Variants in OPCML observed in about 807,000 individuals in gnomAD.
OPCML encodes opioid binding protein/cell adhesion molecule like, also known as opioid-binding protein/cell adhesion molecule.
OPCML carries 13 observed loss-of-function variants against 37.8 expected under a neutral mutation model. The ratio of observed to expected loss-of-function variants is 0.34; its 90% CI spans 0.22 to 0.55. OPCML has a LOEUF of 0.55. Among genes scored for constraint, OPCML ranks in the 20% least tolerant of loss-of-function variants. The pLI is 0.91. For missense variants in OPCML, 341 were observed against 435.6 expected (o/e 0.78, Z 1.93); for synonymous variants, 176 against 168.8 (o/e 1.04, Z -0.33).
intron 7 of OPCML, among the ~76,000 whole-genome samples, chr11:132,429,944 T>C (rs1260216255): frequency 6.6e-6 from 1 of 151,684 alleles, no homozygotes; most frequent in Non-Finnish European, 1.5e-5. Flanking sequence ...AGAAGCAGAC[T>C]GAGGAAGGTA....
Position 132,917,698 on chromosome 11 carries a change from T to C in OPCML, c.146+25228A>G, listed in dbSNP as rs370432480. 3.3e-5 allele frequency among the ~76,000 whole-genome samples: 5 copies of C among 152,354 alleles called. No individual in the cohort carries two copies. In the East Asian group the frequency reaches 5.8e-4, roughly 18 times the overall value. ...GCCAAGGTCACCCTTCCCTGGTGTC[T>C]ACATGAAGGGCTCACTACTGTACCT... is the stretch of plus-strand genomic sequence containing the variant. On this transcript the variant is annotated intron_variant, in intron 2 of 7. Transcript: ENST00000524381.
At chr11:132,854,767 T>A (rs1167499227) in intron 2 of OPCML, among the ~76,000 whole-genome samples, 3 of 152,262 alleles carry the variant, frequency 2.0e-5, no homozygotes, top group Non-Finnish European at 4.4e-5. Flanking sequence ...GGAGCTATTA[T>A]GAGTAACTGA....
chr11:132,597,919 A>G (rs1018434979), intron 3 of OPCML, among the ~76,000 whole-genome samples: 3 of 151,950 alleles, frequency 2.0e-5, no homozygotes, highest in African/African-American at 7.3e-5. Context: ...TTTGACGTGA[A>G]TTTTCCTTAA....
At chr11:133,272,984 A>G (rs537650164) in intron 1 of OPCML, among the ~76,000 whole-genome samples, 1 of 152,300 alleles carries the variant, frequency 6.6e-6, no homozygotes, top group Non-Finnish European at 1.5e-5. Flanking sequence ...ATGACAGTCT[A>G]GAACACTTGA....
At chr11:132,683,924 A>G (rs1392993526) in intron 2 of OPCML, among the ~76,000 whole-genome samples, 1 of 152,176 alleles carries the variant, frequency 6.6e-6, no homozygotes, top group South Asian at 2.1e-4. Flanking sequence ...ACCTCTAGCT[A>G]CTATTAACAG....
intron 1 of OPCML, among the ~76,000 whole-genome samples, chr11:133,285,530 G>C (rs1464283971): frequency 6.6e-6 from 1 of 152,208 alleles, no homozygotes; most frequent in Non-Finnish European, 1.5e-5. Context: ...ACGAAGGGCA[G>C]TGGCAGTGAG....
intron 1 of OPCML, among the ~76,000 whole-genome samples, chr11:133,321,157 A>C (rs1258954789): frequency 6.6e-6 from 1 of 151,988 alleles, no homozygotes; most frequent in Non-Finnish European, 1.5e-5. Flanking sequence ...AAGATAAGGA[A>C]ATACTTTTTT....
At chr11:132,524,125 G>C (rs370192903) in intron 4 of OPCML, among the ~76,000 whole-genome samples, 2 of 152,292 alleles carry the variant, frequency 1.3e-5, no homozygotes, top group East Asian at 3.9e-4. Context: ...GAACACAACA[G>C]ACTCCAGGAT....
chr11:132,833,012 G>T (rs1406480476), intron 2 of OPCML, among the ~76,000 whole-genome samples: 5 of 152,158 alleles, frequency 3.3e-5, no homozygotes, highest in African/African-American at 1.2e-4. Flanking sequence ...GTCAGTCAGT[G>T]AGTGGTGAGT....
intron 1 of OPCML, among the ~76,000 whole-genome samples, chr11:133,193,594 T>C (rs1025390682): frequency 6.6e-6 from 1 of 152,158 alleles, no homozygotes; most frequent in African/African-American, 2.4e-5. Context: ...CTTTCTTTCA[T>C]GATAAACACC....
chr11:132,439,457 T>TTTTG (rs2096024532), intron 4 of OPCML, among the ~76,000 whole-genome samples: 3 of 152,208 alleles, frequency 2.0e-5, no homozygotes. Flanking sequence ...ACAGCAGACA[T>TTTTG]AATGATCCAG....
At chr11:133,425,234 G>T (rs1021428244) in intron 1 of OPCML, among the ~76,000 whole-genome samples, 2 of 152,096 alleles carry the variant, frequency 1.3e-5, no homozygotes, top group Non-Finnish European at 2.9e-5. Flanking sequence ...TGCCTTAAAC[G>T]AGACCCCTCC....
intron 1 of OPCML, among the ~76,000 whole-genome samples, chr11:133,201,350 A>C (rs933802797): frequency 2.0e-5 from 3 of 151,384 alleles, no homozygotes; most frequent in African/African-American, 7.3e-5. Flanking sequence ...GCATGGAAGT[A>C]TATTTTATGC....
At chr11:132,676,050 G>T (rs971835850) in intron 2 of OPCML, among the ~76,000 whole-genome samples, 1 of 152,122 alleles carries the variant, frequency 6.6e-6, no homozygotes, top group Non-Finnish European at 1.5e-5. Flanking sequence ...TTACTAAAAA[G>T]CTACAGCAAT....
chr11:133,080,115 A>G (rs561628547), intron 1 of OPCML, among the ~76,000 whole-genome samples: 4 of 152,172 alleles, frequency 2.6e-5, no homozygotes, highest in South Asian at 4.1e-4. Context: ...CCCATCCACA[A>G]CAGAGCCAGA....
At chr11:132,941,919 C>T (rs559774478) in intron 2 of OPCML, among the ~76,000 whole-genome samples, 34 of 152,134 alleles carry the variant, frequency 2.2e-4, no homozygotes, top group Non-Finnish European at 4.1e-4. Context: ...AGGAAGAACC[C>T]CCACCGTCAC....
At chr11:132,467,156 A>G (rs527514815) in intron 4 of OPCML, among the ~76,000 whole-genome samples, 2 of 152,216 alleles carry the variant, frequency 1.3e-5, no homozygotes, top group African/African-American at 4.8e-5. Flanking sequence ...CTGCAGGCTG[A>G]TAACAGACTC....
Position 133,072,822 on chromosome 11 carries a change from C to T in OPCML, c.62-129812G>A, listed in dbSNP as rs574306857. Among the ~76,000 whole-genome samples the T allele has an allele frequency of 2.1e-4, 32 of 152,276 alleles. No homozygotes were observed. The South Asian group carries it at 2.9e-3, about 14-fold the overall frequency. On this transcript the variant is annotated intron_variant, in intron 1 of 7. Coordinates refer to ENST00000524381, the MANE Select transcript of OPCML (RefSeq NM_001012393.5). ...GGGACTGTAAGTACTCAAGAGTGAG[C>T]GACAGAGATTTAGTAGAGGCATTGA...
chr11:132,623,308 C>A (rs1939537234), intron 3 of OPCML, among the ~76,000 whole-genome samples: 1 of 151,836 alleles, frequency 6.6e-6, no homozygotes, highest in African/African-American at 2.4e-5. Flanking sequence ...TTTTAAATGG[C>A]TCCTTCATCG....
Sources: gnomAD v4.1 joint callset for allele counts (sites outside exome capture counted in the v4.1 genomes callset) on GRCh38, gnomAD v4.1.1 for gene constraint, MANE v1.5 for transcripts, NCBI Gene and HGNC (gene_info 2026-07-23, HGNC 2026-07-21) for gene names.